Variants in POU6F2 observed in about 807,000 individuals in gnomAD.
POU6F2 encodes the protein POU domain, class 6, transcription factor 2.
A neutral mutation model predicts 71.3 loss-of-function variants in POU6F2; 31 were observed. The observed-to-expected ratio is 0.43, with a 90% CI of 0.33 to 0.59. POU6F2 has a LOEUF of 0.59. POU6F2 is among the 20% of genes least tolerant of loss of function. The probability of loss-of-function intolerance (pLI) is 0.04; values close to 1 mark genes in which losing one functional copy is unlikely to be tolerated. For missense variants in POU6F2, 783 were observed against 856.8 expected (o/e 0.91, Z 1.07); for synonymous variants, 347 against 355.7 (o/e 0.98, Z 0.27).
At chr7:39,241,601 C>T (rs1783726053) in intron 4 of POU6F2, among the ~76,000 whole-genome samples, 3 of 152,064 alleles carry the variant, frequency 2.0e-5, no homozygotes, top group South Asian at 2.1e-4. Flanking sequence ...AACATGTATT[C>T]GTAGGAAGAG....
intron 8 of POU6F2, among the ~76,000 whole-genome samples, chr7:39,456,051 C>A (rs574178228): frequency 6.6e-6 from 1 of 152,330 alleles, no homozygotes; most frequent in South Asian, 2.1e-4. Context: ...CTATTACTTT[C>A]TGGCCCTGTC....
chr7:39,026,706 T>C (rs949962714), intron 1 of POU6F2, among the ~76,000 whole-genome samples: 12 of 152,078 alleles, frequency 7.9e-5, no homozygotes, highest in Admixed American at 6.6e-4. Flanking sequence ...CATATGTAAC[T>C]AACCTGCACA....
chr7:39,408,748 A>T (rs550991677), intron 6 of POU6F2, among the ~76,000 whole-genome samples: 2 of 152,246 alleles, frequency 1.3e-5, no homozygotes, highest in Admixed American at 6.5e-5. Flanking sequence ...CCTAGTGCAG[A>T]AACAGTTCAA....
At chr7:39,058,444 T>C (rs1790580761) in intron 1 of POU6F2, among the ~76,000 whole-genome samples, 1 of 152,170 alleles carries the variant, frequency 6.6e-6, no homozygotes, top group African/African-American at 2.4e-5. Context: ...GAGGGTCCCA[T>C]TTTGGGAACA....
chr7:39,315,014 C>T (rs1317211325), intron 4 of POU6F2, among the ~76,000 whole-genome samples: 1 of 152,214 alleles, frequency 6.6e-6, no homozygotes, highest in Non-Finnish European at 1.5e-5. Flanking sequence ...TAACACTGCA[C>T]TGTTACACGT....
intron 2 of POU6F2, among the ~76,000 whole-genome samples, chr7:39,090,841 T>C (rs1791349537): frequency 6.6e-6 from 1 of 152,196 alleles, no homozygotes; most frequent in South Asian, 2.1e-4. Context: ...AAAAGAAATC[T>C]GTAGAAACCT....
chr7:39,192,964 T>A (rs1793700924), intron 2 of POU6F2, among the ~76,000 whole-genome samples: 1 of 152,110 alleles, frequency 6.6e-6, no homozygotes, highest in African/African-American at 2.4e-5. Context: ...AGGGAAAGAA[T>A]TATGAACTCA....
intron 2 of POU6F2, among the ~76,000 whole-genome samples, chr7:39,158,413 G>T (rs1309579914): frequency 6.6e-6 from 1 of 152,158 alleles, no homozygotes; most frequent in Non-Finnish European, 1.5e-5. Context: ...ATAACCAATA[G>T]GATATAGAGA....
At chr7:39,404,039 C>T (rs1040169347) in intron 5 of POU6F2, among the ~76,000 whole-genome samples, 1 of 152,202 alleles carries the variant, frequency 6.6e-6, no homozygotes, top group Admixed American at 6.5e-5. Flanking sequence ...TCTGAGTTGG[C>T]ATTTGCTTCA....
chr7:39,312,189 G>A (rs201511509), intron 4 of POU6F2, among the ~76,000 whole-genome samples: 1 of 150,562 alleles, frequency 6.6e-6, no homozygotes, highest in African/African-American at 2.5e-5. Flanking sequence ...GTAGAAAAAA[G>A]AAAAAAAAAA....
intron 2 of POU6F2, among the ~76,000 whole-genome samples, chr7:39,122,300 C>T (rs576327474): frequency 6.6e-6 from 1 of 152,342 alleles, no homozygotes; most frequent in South Asian, 2.1e-4. Context: ...AGCAGCATGA[C>T]TGAGTGGAAA....
chr7:38,986,160 T>A (rs1788459861), intron 1 of POU6F2, among the ~76,000 whole-genome samples: 1 of 152,040 alleles, frequency 6.6e-6, no homozygotes, highest in Non-Finnish European at 1.5e-5. Flanking sequence ...CCTGAAAAAA[T>A]TATGACAGAT....
At chr7:39,403,524 C>A (rs750180152) in intron 5 of POU6F2, among the ~76,000 whole-genome samples, 4 of 152,236 alleles carry the variant, frequency 2.6e-5, no homozygotes, top group Non-Finnish European at 4.4e-5. Context: ...AAGGCATAAA[C>A]TTGGCAGCAG....
chr7:39,009,704 C>A (rs1271223857), intron 1 of POU6F2, among the ~76,000 whole-genome samples: 5 of 151,912 alleles, frequency 3.3e-5, no homozygotes, highest in African/African-American at 1.2e-4. Flanking sequence ...CCCATCAATA[C>A]CTAATTTATT....
intron 2 of POU6F2, among the ~76,000 whole-genome samples, chr7:39,124,236 G>A (rs780895205): frequency 2.6e-5 from 4 of 151,920 alleles, no homozygotes; most frequent in African/African-American, 7.3e-5. Flanking sequence ...TAGTAGAAAC[G>A]GGGTTTCACC....
intron 1 of POU6F2, among the ~76,000 whole-genome samples, chr7:39,032,507 C>G (rs1366098279): frequency 1.3e-5 from 2 of 152,202 alleles, no homozygotes. Flanking sequence ...ATTTGCCATG[C>G]CAGTTATCTT....
intron 1 of POU6F2, among the ~76,000 whole-genome samples, chr7:39,008,279 G>A (rs1301887568): frequency 1.3e-5 from 2 of 151,260 alleles, no homozygotes; most frequent in African/African-American, 2.4e-5. Context: ...GATGGCCAGT[G>A]ATGATGAGCA....
At chr7:39,298,053 T>TA (rs914925051) in intron 4 of POU6F2, among the ~76,000 whole-genome samples, 1 of 151,956 alleles carries the variant, frequency 6.6e-6, no homozygotes, top group Non-Finnish European at 1.5e-5. Context: ...CCCAAAACCA[T>TA]AAAAACCCTA....
At chr7:39,158,840 T>C (rs962542073) in intron 2 of POU6F2, among the ~76,000 whole-genome samples, 4 of 152,134 alleles carry the variant, frequency 2.6e-5, no homozygotes, top group African/African-American at 9.7e-5. Flanking sequence ...ACCAGCTATC[T>C]GGGTATTCCT....
Sources: allele counts gnomAD v4.1 joint callset (sites outside exome capture counted in the v4.1 genomes callset), GRCh38; gene constraint gnomAD v4.1.1; transcripts MANE v1.5; gene names NCBI Gene and HGNC (gene_info 2026-07-23, HGNC 2026-07-21).